BRSK2: variants seen among roughly 807,000 people sequenced by gnomAD.
BRSK2 encodes serine/threonine-protein kinase BRSK2.
In BRSK2, 19 loss-of-function variants were observed where a neutral mutation model predicts 83.3. The observed-to-expected ratio is 0.23, with a 90% CI of 0.16 to 0.33. The LOEUF (loss-of-function observed/expected upper bound fraction) is 0.33, where lower values mean the gene tolerates loss of function less well. Among genes scored for constraint, BRSK2 ranks in the 10% least tolerant of loss-of-function variants. BRSK2 has a pLI of 1.00. For synonymous variants in BRSK2, 519 were observed against 435.4 expected, an observed-to-expected ratio of 1.19 and a Z score of -2.39; for missense variants, 798 against 1,042.3, an observed-to-expected ratio of 0.77 and a Z score of 3.23.
intron 3 of BRSK2, among the ~76,000 whole-genome samples, chr11:1,439,410 C>T (rs1590546715): frequency 6.6e-6 from 1 of 151,894 alleles, no homozygotes; most frequent in Non-Finnish European, 1.5e-5. Context: ...CACCAGAGGA[C>T]TGGGGGGGCG....
chr11:1,452,188 G>A (rs749634516), intron 15 of BRSK2, among the ~76,000 whole-genome samples: 3 of 152,198 alleles, frequency 2.0e-5, no homozygotes, highest in Non-Finnish European at 2.9e-5. Context: ...GAGAACCTTC[G>A]TCCTGCTGCT....
rs772231331 is a variant in BRSK2, at chr11:1,443,470, C to A, written c.634-19C>A. 2.5e-6 allele frequency: 4 copies of A among 1,578,866 alleles called. No homozygotes were observed. In the African/African-American group the frequency reaches 4.0e-5, roughly 16 times the overall value. ...AAACCTGCCCCCCCACGCTGACCCC[C>A]ACACCCGGCCGCCCGCAGGGGGCTC... On this transcript the variant is annotated intron_variant, in intron 7 of 19. Coordinates refer to ENST00000528841, the MANE Select transcript of BRSK2 (RefSeq NM_001256627.2).
chr11:1,425,444 C>T (rs1849100863), intron 1 of BRSK2, among the ~76,000 whole-genome samples: 4 of 152,204 alleles, frequency 2.6e-5, no homozygotes, highest in Admixed American at 2.6e-4. Flanking sequence ...TGGATGAGGC[C>T]CGCTTGGTCC....
intron 12 of BRSK2, among the ~76,000 whole-genome samples, chr11:1,446,636 G>C (rs1852167233): frequency 6.6e-6 from 1 of 151,852 alleles, no homozygotes; most frequent in African/African-American, 2.4e-5. Flanking sequence ...GCCGGAGGAA[G>C]GGCACCCAGC....
intron 1 of BRSK2, among the ~76,000 whole-genome samples, chr11:1,394,817 ATGGAGATGGGTCC>A (rs1196114037): frequency 1.6e-5 from 1 of 64,104 alleles, no homozygotes; most frequent in South Asian, 9.0e-4. Context: ...GAGATGGGCC[ATGGAGATGGGTCC>A]TGGAGATGGG....
rs916262803 is a variant in BRSK2 at position 1,451,475 on chromosome 11, G to A, written c.1544+56G>A. ...ACCTGACACCAGGCTGGCCGGGAGA[G>A]GGGCATGGAACCCTTCCCCTATGGC... On this transcript the variant is annotated intron_variant, in intron 15 of 19. Transcript: ENST00000528841. The A allele has an allele frequency of 6.9e-6, 11 of 1,583,986 alleles. No individual in the cohort carries two copies. The African/African-American group carries it at 1.3e-4, about 19-fold the overall frequency.
At chr11:1,452,964 AG>A (rs1564876463) in intron 15 of BRSK2, among the ~76,000 whole-genome samples, 4 of 152,202 alleles carry the variant, frequency 2.6e-5, no homozygotes, top group African/African-American at 9.7e-5. Flanking sequence ...GGCTTCAGGA[AG>A]GGATGCATGC....
intron 14 of BRSK2, 60 bp from the exon 15 acceptor site, chr11:1,451,311 G>A: frequency 1.2e-6 from 2 of 1,600,126 alleles, no homozygotes; most frequent in South Asian, 2.2e-5. Flanking sequence ...AAGGTGGCCA[G>A]GGCAGGGGAA....
At position 1,449,850 on chromosome 11, in the gene BRSK2, C is replaced by T. The variant is rs374977127; in HGVS notation, c.1287+14C>T. 464 of 1,597,676 alleles carry T rather than the reference C, an allele frequency of 2.9e-4. 2 individuals are homozygous for T. The highest frequency in any genetic ancestry group is 1.8e-3 in the South Asian group (159 of 90,346). On this transcript the variant is annotated intron_variant, in intron 13 of 19. Transcript: ENST00000528841. ...AGCAGCCCCCGGGTGAGTGACCCCC[C>T]GCCCCCACCCAGCTCGGATGCACAG...
At chr11:1,459,041 C>CT in intron 18 of BRSK2, 151 bp from the exon 19 acceptor site, 1 of 738,056 alleles carries the variant, frequency 1.4e-6, no homozygotes, top group African/African-American at 1.7e-5. Flanking sequence ...CCCTCTGGCT[C>CT]TGGCCCCCCC....
intron 8 of BRSK2, among the ~76,000 whole-genome samples, chr11:1,443,893 CGTGTGTGGGCTCGTGTTCAG>C (rs1851682462): frequency 1.3e-5 from 2 of 151,880 alleles, no homozygotes; most frequent in Non-Finnish European, 2.9e-5. Flanking sequence ...AGTGCCCAGG[CGTGTGTGGGCTCGTGTTCAG>C]GTGTGTGGGT....
At chr11:1,434,913 T>G (rs1172587252) in intron 1 of BRSK2, among the ~76,000 whole-genome samples, 1 of 151,436 alleles carries the variant, frequency 6.6e-6, no homozygotes, top group East Asian at 2.0e-4. Flanking sequence ...TCAGGCCAGG[T>G]GGGGCTCAGG....
intron 1 of BRSK2, among the ~76,000 whole-genome samples, chr11:1,396,391 A>G (rs1846120362): frequency 6.6e-6 from 1 of 152,188 alleles, no homozygotes; most frequent in Non-Finnish European, 1.5e-5. Flanking sequence ...ACCTGGGCCT[A>G]AGCGAGCTCT....
chr11:1,418,613 T>A lies in BRSK2; in HGVS notation c.92-17427T>A, dbSNP rs557182969. On this transcript the variant is annotated intron_variant, in intron 1 of 19. Transcript: ENST00000528841. Reference sequence around the variant, plus strand: ...TGTTGGCTGTTTCTTCTCTTGAGAGTGGGTCACACTGTGTCCTGCTTCTGT... The same window carrying A: ...TGTTGGCTGTTTCTTCTCTTGAGAGAGGGTCACACTGTGTCCTGCTTCTGT... Among the ~76,000 whole-genome samples, 858 of 151,554 alleles carry A rather than the reference T, an allele frequency of 5.7e-3. 8 individuals carry two copies. The highest frequency in any genetic ancestry group is 8.5e-3 in the Non-Finnish European group (574 of 67,756).
intron 1 of BRSK2, among the ~76,000 whole-genome samples, chr11:1,425,866 A>T (rs531501383): frequency 3.3e-5 from 5 of 151,950 alleles, no homozygotes; most frequent in African/African-American, 1.2e-4. Context: ...GGGGCAGGGG[A>T]GGGCGTGGGG....
In BRSK2 at chr11:1,454,332, C is replaced by T. The variant is rs1458355742; in HGVS notation, c.1545-153C>T. On this transcript the variant is annotated intron_variant, in intron 15 of 19. Transcript: ENST00000528841. This position sits in a 1 kb window ranked among gnomAD's most constrained non-coding sequence, Gnocchi z 5.2. ...TGGGCTAGGGTTAGGGCGTTGGGGT[C>T]AGGGCCATGGGTTCTGGCTAGCACT... is the stretch of plus-strand genomic sequence containing the variant. 1.8e-5 allele frequency: 16 copies of T among 885,384 alleles called. No homozygotes were observed. The highest frequency in any genetic ancestry group is 1.5e-4 in the South Asian group (10 of 64,682). 54.8% of individuals were successfully genotyped at this position (885,384 alleles called of 1,614,324 possible).
chr11:1,458,895 C>CT (rs1847010612), intron 18 of BRSK2, among the ~76,000 whole-genome samples: 1 of 152,178 alleles, frequency 6.6e-6, no homozygotes, highest in African/African-American at 2.4e-5. Flanking sequence ...CCACCCAGGG[C>CT]ACCGGCCATA....
At chr11:1,412,604 G>T (rs967917706) in intron 1 of BRSK2, among the ~76,000 whole-genome samples, 6 of 152,224 alleles carry the variant, frequency 3.9e-5, no homozygotes, top group African/African-American at 1.4e-4. Context: ...CAGAAAATGC[G>T]AGACAGGGTC....
chr11:1,461,313 T>C lies in BRSK2; in HGVS notation c.*590T>C. On this transcript the variant is annotated 3_prime_UTR_variant, in exon 20 of 20. Coordinates refer to ENST00000528841, the MANE Select transcript of BRSK2 (RefSeq NM_001256627.2). The stretch of plus-strand genomic sequence containing the variant: ...CCGTCCACCGCCTCCACGCCGCACC[T>C]GGAGGCCTCCTCGCAGGCCCGTGCC... 2 of 414,132 alleles carry C rather than the reference T, an allele frequency of 4.8e-6. No individual in the cohort carries two copies. The highest frequency in any genetic ancestry group is 2.2e-5 in the African/African-American group (1 of 46,318). The allele number at this position is 414,132 out of a possible 1,614,324, so 25.7% of individuals were successfully genotyped here.
Sources: allele counts gnomAD v4.1 joint callset (sites outside exome capture counted in the v4.1 genomes callset), GRCh38; gene constraint gnomAD v4.1.1; non-coding constraint Gnocchi (gnomAD v3.1); transcripts MANE v1.5; gene names NCBI Gene and HGNC (gene_info 2026-07-23, HGNC 2026-07-21).